The following WWTR1 variants were observed in gnomAD, a reference collection of about 807,000 sequenced individuals.
WWTR1 encodes WW domain containing transcription regulator 1, also known as WW domain-containing transcription regulator protein 1.
Under a neutral mutation model 40.1 loss-of-function variants are expected in WWTR1, and 13 were observed. The observed-to-expected ratio is 0.32, with a 90% CI of 0.21 to 0.52. WWTR1 has a LOEUF of 0.52. Among genes scored for constraint, WWTR1 ranks in the 20% least tolerant of loss-of-function variants. The probability of loss-of-function intolerance (pLI) is 0.97; values close to 1 mark genes in which losing one functional copy is unlikely to be tolerated. For synonymous variants in WWTR1, 230 were observed against 210.1 expected (o/e 1.09, Z -0.82); for missense variants, 436 against 523.1 (o/e 0.83, Z 1.63).
chr3:149,568,523 C>CAAAAAAAAAAAAAAAA lies in WWTR1; in HGVS notation c.568+4325_568+4340dup, dbSNP rs34414853. The stretch of plus-strand genomic sequence containing the variant: ...GGAGATGGCTATTTGAATTAAAGTG[C>CAAAAAAAAAAAAAAAA]AAAAAAAAAAAAAAAAAAAAAAAAA... On this transcript the variant is annotated intron_variant, in intron 3 of 6. Transcript: ENST00000360632. 2.2e-4 allele frequency among the ~76,000 whole-genome samples: 14 copies of CAAAAAAAAAAAAAAAA among 64,816 alleles called. 2 individuals carry two copies. The highest frequency in any genetic ancestry group is 7.2e-4 in the South Asian group (1 of 1,386). The allele number at this position is 64,816 out of a possible 152,430, so 42.5% of individuals were successfully genotyped here.
chr3:149,535,037 C>A (rs16861952), intron 4 of WWTR1, among the ~76,000 whole-genome samples: 9,245 of 152,222 alleles, frequency 0.061, 332 homozygotes, highest in African/African-American at 0.078. Flanking sequence ...ATCTGCAGCT[C>A]TGTCCCGCCT....
intron 1 of WWTR1, chr3:149,701,667 T>C (rs974100838): frequency 5.7e-6 from 1 of 176,130 alleles, no homozygotes; most frequent in Non-Finnish European, 1.2e-5. Context: ...AAGGCAGTTA[T>C]GGCTGGGTGG....
intron 1 of WWTR1, among the ~76,000 whole-genome samples, chr3:149,700,922 G>C (rs1324804415): frequency 6.6e-6 from 1 of 152,208 alleles, no homozygotes; most frequent in Non-Finnish European, 1.5e-5. Flanking sequence ...CCAACACCAG[G>C]ACTGAAACAC....
intron 2 of WWTR1, among the ~76,000 whole-genome samples, chr3:149,597,605 T>C (rs1739059611): frequency 6.6e-6 from 1 of 151,420 alleles, no homozygotes; most frequent in African/African-American, 2.4e-5. Flanking sequence ...TGTGTGAGAG[T>C]GAGATCCTGT....
chr3:149,579,721 T>G (rs1254960437), intron 2 of WWTR1, among the ~76,000 whole-genome samples: 2 of 152,224 alleles, frequency 1.3e-5, no homozygotes, highest in Non-Finnish European at 2.9e-5. Flanking sequence ...GCAAACTGTC[T>G]TATTTCAGAA....
At chr3:149,557,199 T>C (rs1393753903) in intron 3 of WWTR1, among the ~76,000 whole-genome samples, 1 of 149,476 alleles carries the variant, frequency 6.7e-6, no homozygotes, top group Admixed American at 6.8e-5. Flanking sequence ...GCCTCCCAAG[T>C]AGTTGAGATT....
chr3:149,556,221 T>G (rs1169991458), intron 3 of WWTR1, among the ~76,000 whole-genome samples: 1 of 152,192 alleles, frequency 6.6e-6, no homozygotes, highest in Non-Finnish European at 1.5e-5. Flanking sequence ...TTTCACACTC[T>G]ATGGTAAAAT....
intron 2 of WWTR1, among the ~76,000 whole-genome samples, chr3:149,623,118 T>C (rs969631577): frequency 2.0e-5 from 3 of 152,174 alleles, no homozygotes; most frequent in Admixed American, 6.5e-5. Context: ...TCCCAGCACT[T>C]TGGGAGGCCG....
chr3:149,644,347 T>C (rs1348614947), intron 2 of WWTR1, among the ~76,000 whole-genome samples: 1 of 152,230 alleles, frequency 6.6e-6, no homozygotes, highest in African/African-American at 2.4e-5. Context: ...AATACCTTCA[T>C]TCCAGAGTGG....
chr3:149,672,848 AT>A (rs1443246955), intron 1 of WWTR1, among the ~76,000 whole-genome samples: 1 of 150,444 alleles, frequency 6.6e-6, no homozygotes, highest in African/African-American at 2.4e-5. Context: ...CAGTGATACC[AT>A]CACAGCTCAT....
intron 1 of WWTR1, among the ~76,000 whole-genome samples, chr3:149,680,760 T>C (rs1169096322): frequency 6.6e-6 from 1 of 152,102 alleles, no homozygotes; most frequent in Non-Finnish European, 1.5e-5. Context: ...GAGGATTGCT[T>C]GAGCCCAGGA....
chr3:149,574,992 G>T (rs1371241071), intron 2 of WWTR1, among the ~76,000 whole-genome samples: 1 of 152,018 alleles, frequency 6.6e-6, no homozygotes, highest in East Asian at 1.9e-4. Flanking sequence ...TACTCGGGAG[G>T]CTGAGACAGG....
intron 1 of WWTR1, among the ~76,000 whole-genome samples, chr3:149,674,457 C>T (rs1048180340): frequency 2.0e-5 from 3 of 151,808 alleles, no homozygotes; most frequent in African/African-American, 4.8e-5. Flanking sequence ...CATGGTGGTG[C>T]GTGCCTGTAG....
chr3:149,699,662 T>C (rs1715107915), intron 1 of WWTR1, among the ~76,000 whole-genome samples: 1 of 152,216 alleles, frequency 6.6e-6, no homozygotes, highest in African/African-American at 2.4e-5. Context: ...AAGCTCTTTG[T>C]TAGGGCATAA....
chr3:149,707,436 C>T (rs992856768), upstream of WWTR1, among the ~76,000 whole-genome samples: 2 of 152,188 alleles, frequency 1.3e-5, no homozygotes, highest in Non-Finnish European at 2.9e-5. Flanking sequence ...ACCAGTTTCT[C>T]CTCTGCTTCC....
chr3:149,539,588 T>A (rs1456223324), intron 4 of WWTR1, among the ~76,000 whole-genome samples: 1 of 152,180 alleles, frequency 6.6e-6, no homozygotes, highest in African/African-American at 2.4e-5. Context: ...ACCCAGGACA[T>A]AGGGGTAGGA....
intron 2 of WWTR1, among the ~76,000 whole-genome samples, chr3:149,583,022 G>A (rs777228502): frequency 6.6e-6 from 1 of 152,118 alleles, no homozygotes. Context: ...CTGGAGTGAA[G>A]TGGCACAATC....
At chr3:149,532,151 A>G (rs573359167) in intron 4 of WWTR1, among the ~76,000 whole-genome samples, 1 of 152,362 alleles carries the variant, frequency 6.6e-6, no homozygotes, top group South Asian at 2.1e-4. Flanking sequence ...CACCCACCCA[A>G]GAAGGCTGCT....
intron 3 of WWTR1, among the ~76,000 whole-genome samples, chr3:149,565,304 C>CTA (rs1323757505): frequency 6.6e-6 from 1 of 151,430 alleles, no homozygotes; most frequent in Non-Finnish European, 1.5e-5. Context: ...ACCTAGCATA[C>CTA]TACTTTTTTT....
Sources: allele counts gnomAD v4.1 joint callset (sites outside exome capture counted in the v4.1 genomes callset), GRCh38; gene constraint gnomAD v4.1.1; transcripts MANE v1.5; gene names NCBI Gene and HGNC (gene_info 2026-07-23, HGNC 2026-07-21).